The following KPNA1 variants were observed in gnomAD, a reference collection of about 807,000 sequenced individuals.
KPNA1 encodes the protein importin subunit alpha-5.
Under a neutral mutation model 70.5 loss-of-function variants are expected in KPNA1, and 10 were observed. The observed-to-expected ratio is 0.14, with a 90% CI of 0.09 to 0.24. The LOEUF (loss-of-function observed/expected upper bound fraction) is 0.24, where lower values mean the gene tolerates loss of function less well. Among genes scored for constraint, KPNA1 ranks in the 10% least tolerant of loss-of-function variants. The pLI is 1.00. For synonymous variants in KPNA1, 192 were observed against 221.9 expected (o/e 0.87, Z 1.20); for missense variants, 397 against 637.9 (o/e 0.62, Z 4.07).
At chr3:122,462,681 T>C (rs1347547721) in intron 4 of KPNA1, among the ~76,000 whole-genome samples, 1 of 152,180 alleles carries the variant, frequency 6.6e-6, no homozygotes, top group Non-Finnish European at 1.5e-5. Flanking sequence ...GTACATTTCC[T>C]TCAAATATTT....
chr3:122,488,866 T>G (rs1253352998), intron 2 of KPNA1, among the ~76,000 whole-genome samples: 2 of 152,214 alleles, frequency 1.3e-5, no homozygotes, highest in Admixed American at 1.3e-4. Flanking sequence ...TTCTTCATCT[T>G]TCTTGTGATG....
chr3:122,462,264 G>A (rs781329740), intron 4 of KPNA1, among the ~76,000 whole-genome samples: 5 of 152,092 alleles, frequency 3.3e-5, no homozygotes, highest in Admixed American at 6.6e-5. Context: ...CAGCATCTAA[G>A]TTTTTTAAAT....
intron 2 of KPNA1, among the ~76,000 whole-genome samples, chr3:122,493,098 A>G (rs1180597078): frequency 6.6e-6 from 1 of 152,182 alleles, no homozygotes; most frequent in Non-Finnish European, 1.5e-5. Context: ...CAAACACTCA[A>G]CAGTTAACTG....
At chr3:122,486,122 C>T (rs894012007) in intron 2 of KPNA1, among the ~76,000 whole-genome samples, 1 of 152,184 alleles carries the variant, frequency 6.6e-6, no homozygotes, top group Admixed American at 6.5e-5. Flanking sequence ...CACTTCTAGA[C>T]ACTTACCTGA....
At chr3:122,429,335 C>T (rs1255905175) in intron 12 of KPNA1, among the ~76,000 whole-genome samples, 1 of 150,704 alleles carries the variant, frequency 6.6e-6, no homozygotes, top group Admixed American at 6.7e-5. Flanking sequence ...CCTGTATTCC[C>T]AGCTACTTGG....
intron 2 of KPNA1, among the ~76,000 whole-genome samples, chr3:122,476,193 A>C (rs1008583899): frequency 1.3e-5 from 2 of 152,232 alleles, no homozygotes; most frequent in African/African-American, 4.8e-5. Context: ...ATAGGGGAAG[A>C]ACAGTCTCTT....
chr3:122,506,894 T>G lies in KPNA1; in HGVS notation c.-6+7863A>C, dbSNP rs563996560. On this transcript the variant is annotated intron_variant, in intron 1 of 13. Coordinates refer to ENST00000344337, the MANE Select transcript of KPNA1 (RefSeq NM_002264.4). Reference sequence around the variant, plus strand: ...GATCTGGAGAACTCAAACCCTGAATTGAATACTTCCACTTTTAGAATGTAC... The same window carrying G: ...GATCTGGAGAACTCAAACCCTGAATGGAATACTTCCACTTTTAGAATGTAC... 1.1e-3 allele frequency among the ~76,000 whole-genome samples: 166 copies of G among 152,310 alleles called. 1 individual carries two copies. The highest frequency in any genetic ancestry group is 3.9e-3 in the African/African-American group (162 of 41,570).
chr3:122,496,699 C>G, intron 1 of KPNA1, 129 bp from the exon 2 acceptor site: 1 of 732,550 alleles, frequency 1.4e-6, no homozygotes, highest in Non-Finnish European at 2.2e-6. Flanking sequence ...GCTACTTCCC[C>G]TCCCCCACTC....
intron 2 of KPNA1, among the ~76,000 whole-genome samples, chr3:122,478,571 A>C (rs542081206): frequency 1.3e-5 from 2 of 151,900 alleles, no homozygotes; most frequent in Non-Finnish European, 2.9e-5. Flanking sequence ...AAAATACAAA[A>C]ATTAGCTGGA....
At position 122,444,689 on chromosome 3, in the gene KPNA1, A is replaced by G. The variant is rs117078142; in HGVS notation, c.918-2573T>C. Among the ~76,000 whole-genome samples the G allele has an allele frequency of 1.9e-3, 293 of 152,292 alleles. 6 individuals carry two copies. In the East Asian group the frequency reaches 0.042, roughly 22 times the overall value. On this transcript the variant is annotated intron_variant, in intron 9 of 13. Coordinates refer to ENST00000344337, the MANE Select transcript of KPNA1 (RefSeq NM_002264.4). Reference sequence around the variant, plus strand: ...CTGGGACGAAGCTTCCAGAGAAAATATCAGGCAGCAATATTTGCTGTTCTG... The same window carrying G: ...CTGGGACGAAGCTTCCAGAGAAAATGTCAGGCAGCAATATTTGCTGTTCTG...
intron 9 of KPNA1, 36 bp from the exon 10 acceptor site, chr3:122,442,152 T>A: frequency 6.7e-7 from 1 of 1,490,398 alleles, no homozygotes; most frequent in Non-Finnish European, 9.3e-7. Flanking sequence ...AGCAAACAGT[T>A]CTATCCTTAG....
intron 2 of KPNA1, among the ~76,000 whole-genome samples, chr3:122,474,583 T>C (rs1326088199): frequency 6.6e-6 from 1 of 152,086 alleles, no homozygotes; most frequent in East Asian, 1.9e-4. Flanking sequence ...GGTGCAAAGG[T>C]AGTCTTTTCA....
chr3:122,474,665 A>G lies in KPNA1; in HGVS notation c.130-7236T>C, dbSNP rs138372739. ...CAGCACATTAAAAAGATCATTCAAT[A>G]TGAACATGTAGGATTTACCTCAGGG... On this transcript the variant is annotated intron_variant, in intron 2 of 13. Transcript: ENST00000344337. Among the ~76,000 whole-genome samples, 268 of 152,330 alleles carry G rather than the reference A, an allele frequency of 1.8e-3. 1 individual carries two copies. The highest frequency in any genetic ancestry group is 6.3e-3 in the African/African-American group (260 of 41,586).
At chr3:122,513,036 C>T (rs1479558517) in intron 1 of KPNA1, among the ~76,000 whole-genome samples, 8 of 152,094 alleles carry the variant, frequency 5.3e-5, no homozygotes, top group Non-Finnish European at 1.2e-4. Context: ...CTATATCCCC[C>T]CAAGTCTAGA....
intron 1 of KPNA1, among the ~76,000 whole-genome samples, chr3:122,507,743 A>AT (rs958546166): frequency 2.0e-4 from 30 of 151,568 alleles, no homozygotes; most frequent in African/African-American, 6.8e-4. Context: ...AAGTTGAATG[A>AT]TTTTTTGGGG....
chr3:122,513,475 T>C (rs1221766286), intron 1 of KPNA1, among the ~76,000 whole-genome samples: 1 of 152,246 alleles, frequency 6.6e-6, no homozygotes, highest in African/African-American at 2.4e-5. Context: ...ATAACTTGTG[T>C]ACTGCTTTCA....
chr3:122,507,739 A>G (rs983842985), intron 1 of KPNA1, among the ~76,000 whole-genome samples: 2 of 151,912 alleles, frequency 1.3e-5, no homozygotes, highest in Non-Finnish European at 2.9e-5. Context: ...CTAAAAGTTG[A>G]ATGATTTTTT....
intron 2 of KPNA1, among the ~76,000 whole-genome samples, chr3:122,468,235 G>A (rs1418241508): frequency 6.6e-6 from 1 of 152,186 alleles, no homozygotes; most frequent in Non-Finnish European, 1.5e-5. Flanking sequence ...AGGCTGCAGT[G>A]CAGGAAAGGT....
At chr3:122,449,480 T>G in intron 9 of KPNA1, 94 bp downstream of exon 9, 1 of 980,648 alleles carries the variant, frequency 1.0e-6, no homozygotes, top group Admixed American at 2.7e-5. Flanking sequence ...ATAAATCAAT[T>G]ATCATGTACA....
Sources: allele counts gnomAD v4.1 joint callset (sites outside exome capture counted in the v4.1 genomes callset), GRCh38; gene constraint gnomAD v4.1.1; transcripts MANE v1.5; gene names NCBI Gene and HGNC (gene_info 2026-07-23, HGNC 2026-07-21).